FOCAD: variants seen among roughly 807,000 people sequenced by gnomAD.
The protein encoded by FOCAD is KIAA1797.
Under a neutral mutation model 225.6 loss-of-function variants are expected in FOCAD, and 198 were observed. The observed-to-expected ratio is 0.88, with a 90% confidence interval of 0.78 to 0.99. The LOEUF is 0.99. FOCAD is among the 50% of genes least tolerant of loss of function. The pLI is 0.00. For synonymous variants in FOCAD, 897 were observed against 755.0 expected, an observed-to-expected ratio of 1.19 and a Z score of -3.08; for missense variants, 2,713 against 2,123.6, an observed-to-expected ratio of 1.28 and a Z score of -5.46.
intron 35 of FOCAD, among the ~76,000 whole-genome samples, chr9:20,959,868 C>G (rs888603427): frequency 2.1e-4 from 32 of 152,022 alleles, no homozygotes; most frequent in Admixed American, 2.1e-3. Context: ...TTTCTGAGTT[C>G]TCTGTTCTGA....
chr9:20,906,955 GTCTTC>G (rs1833030924), intron 21 of FOCAD, among the ~76,000 whole-genome samples, 190 bp from the exon 22 acceptor site: 1 of 151,842 alleles, frequency 6.6e-6, no homozygotes, highest in Admixed American at 6.6e-5. Flanking sequence ...ACTTTATTTT[GTCTTC>G]ACAAGACTCT....
At chr9:20,695,011 T>C (rs947296296) in intron 1 of FOCAD, among the ~76,000 whole-genome samples, 9 of 152,200 alleles carry the variant, frequency 5.9e-5, no homozygotes, top group African/African-American at 2.2e-4. Flanking sequence ...TCCACTCCTT[T>C]TTTCCCATGT....
At chr9:20,777,716 G>T (rs1279524579) in intron 8 of FOCAD, among the ~76,000 whole-genome samples, 2 of 152,094 alleles carry the variant, frequency 1.3e-5, no homozygotes. Context: ...GATGAATCAT[G>T]TCTGTATTAG....
At chr9:20,790,931 G>T (rs950467780) in intron 11 of FOCAD, among the ~76,000 whole-genome samples, 3 of 152,116 alleles carry the variant, frequency 2.0e-5, no homozygotes, top group African/African-American at 7.2e-5. Context: ...TTCTGCAAGT[G>T]GATCTGTAAT....
chr9:20,899,045 G>A (rs972328506), intron 21 of FOCAD, among the ~76,000 whole-genome samples: 1 of 151,882 alleles, frequency 6.6e-6, no homozygotes. Flanking sequence ...GAAGGCTAGA[G>A]GATCTTGGAG....
intron 7 of FOCAD, among the ~76,000 whole-genome samples, chr9:20,766,459 G>T (rs1159738422): frequency 6.6e-6 from 1 of 152,026 alleles, no homozygotes; most frequent in African/African-American, 2.4e-5. Context: ...GAATATTTTA[G>T]TGATAGAGGA....
intron 18 of FOCAD, among the ~76,000 whole-genome samples, chr9:20,869,504 G>T (rs1021486611): frequency 6.6e-6 from 1 of 152,090 alleles, no homozygotes; most frequent in African/African-American, 2.4e-5. Context: ...TAACAGACTG[G>T]TAGAACAAAA....
chr9:20,975,907 G>A (rs1233058729), intron 35 of FOCAD, among the ~76,000 whole-genome samples: 1 of 152,170 alleles, frequency 6.6e-6, no homozygotes, highest in East Asian at 1.9e-4. Flanking sequence ...AGGTTAGGAA[G>A]AGAAGGAGGA....
intron 2 of FOCAD, among the ~76,000 whole-genome samples, chr9:20,674,784 T>G (rs1255949349): frequency 1.3e-5 from 2 of 152,250 alleles, no homozygotes; most frequent in East Asian, 3.8e-4. Context: ...CTCAGTAATA[T>G]TTGTTGAATA....
rs551227236 is a variant in FOCAD at position 20,757,723 on chromosome 9, G to C, written c.393-367G>C. Among the ~76,000 whole-genome samples, 3 of 152,244 alleles carry C rather than the reference G, an allele frequency of 2.0e-5. No individual in the cohort carries two copies. The East Asian group carries it at 5.8e-4, about 29-fold the overall frequency. On this transcript the variant is annotated intron_variant, in intron 5 of 43. Transcript: ENST00000338382. ...TGGAAAGAGAGCAGCGGTAGCAGGAGGAGGAGGTGGCTTGTAACCTCTAGG... is the reference window on the plus strand; with the variant it reads ...TGGAAAGAGAGCAGCGGTAGCAGGACGAGGAGGTGGCTTGTAACCTCTAGG...
rs138341820 is a variant in FOCAD, at chr9:20,728,284, A to G, written c.287+7750A>G. 6.6e-5 allele frequency among the ~76,000 whole-genome samples: 10 copies of G among 152,354 alleles called. No individual in the cohort carries two copies. In the East Asian group the frequency reaches 1.7e-3, roughly 26 times the overall value. On this transcript the variant is annotated intron_variant, in intron 4 of 43. Coordinates refer to ENST00000338382, the MANE Select transcript of FOCAD (RefSeq NM_001375567.1). ...TTTGGATTTTGGGATATTTGCATAT[A>G]TATAAAGAGATATCTTGGATAGACC...
At chr9:20,988,311 A>G in intron 40 of FOCAD, 21 bp from the exon 41 acceptor site, 1 of 1,500,590 alleles carries the variant, frequency 6.7e-7, no homozygotes, top group South Asian at 1.1e-5. Flanking sequence ...GTCTAGTAAG[A>G]AAATACCCTT....
intron 16 of FOCAD, among the ~76,000 whole-genome samples, chr9:20,865,723 G>A (rs775820537): frequency 4.6e-5 from 7 of 152,060 alleles, no homozygotes; most frequent in Non-Finnish European, 7.4e-5. Flanking sequence ...ATCTTAATGT[G>A]TTTAAAATAT....
intron 9 of FOCAD, among the ~76,000 whole-genome samples, chr9:20,779,829 A>G (rs1319828004): frequency 6.6e-6 from 1 of 151,598 alleles, no homozygotes; most frequent in Non-Finnish European, 1.5e-5. Context: ...TGATTTTGGG[A>G]GTGAATTGCT....
chr9:20,965,562 T>A (rs568063234), intron 35 of FOCAD, among the ~76,000 whole-genome samples: 2 of 152,318 alleles, frequency 1.3e-5, no homozygotes, highest in South Asian at 4.1e-4. Flanking sequence ...ACATGCCATT[T>A]TAACCATTTG....
intron 22 of FOCAD, among the ~76,000 whole-genome samples, chr9:20,912,031 A>G (rs1379891634): frequency 2.0e-5 from 3 of 152,110 alleles, no homozygotes; most frequent in Admixed American, 6.6e-5. Context: ...AAGCCTGACA[A>G]TTCCGAATGC....
At chr9:20,892,536 G>GA (rs1201170876) in intron 21 of FOCAD, among the ~76,000 whole-genome samples, 2 of 152,074 alleles carry the variant, frequency 1.3e-5, no homozygotes, top group East Asian at 1.9e-4. Flanking sequence ...GCAGATGTGG[G>GA]AGGGGTACCA....
Position 20,904,313 on chromosome 9 carries a change from A to C in FOCAD, c.2626-2837A>C, listed in dbSNP as rs1181221303. Among the ~76,000 whole-genome samples the C allele has an allele frequency of 5.3e-5, 8 of 151,984 alleles. No homozygotes were observed. In the East Asian group the frequency reaches 9.7e-4, roughly 18 times the overall value. On this transcript the variant is annotated intron_variant, in intron 21 of 43. Coordinates refer to ENST00000338382, the MANE Select transcript of FOCAD (RefSeq NM_001375567.1). The stretch of plus-strand genomic sequence containing the variant: ...TCAGTCATATGGTATTTCTATGTTT[A>C]GCTTTCTGAGGAACCACCATTAAGT...
chr9:20,689,063 G>C (rs1035845067), intron 1 of FOCAD, among the ~76,000 whole-genome samples: 1 of 152,170 alleles, frequency 6.6e-6, no homozygotes, highest in Non-Finnish European at 1.5e-5. Context: ...GCCAGGAGGA[G>C]CTGAAAGATT....
Sources: allele counts gnomAD v4.1 joint callset (sites outside exome capture counted in the v4.1 genomes callset), GRCh38; gene constraint gnomAD v4.1.1; transcripts MANE v1.5; gene names NCBI Gene and HGNC (gene_info 2026-07-23, HGNC 2026-07-21).